The following ZNF804B variants were observed in gnomAD, a reference collection of about 807,000 sequenced individuals.
The protein encoded by ZNF804B is zinc finger 804B.
ZNF804B carries 80 observed loss-of-function variants against 101.4 expected under a neutral mutation model. The ratio of observed to expected loss-of-function variants is 0.79; its 90% CI spans 0.66 to 0.95. The LOEUF (loss-of-function observed/expected upper bound fraction) is 0.95. Ranked by LOEUF, ZNF804B falls within the 40% of genes least tolerant of loss-of-function variation. The pLI, the probability that ZNF804B is intolerant of heterozygous loss-of-function variation, is 0.00. For synonymous variants in ZNF804B, 622 were observed against 558.8 expected (o/e 1.11, Z -1.59); for missense variants, 1,673 against 1,561.9 (o/e 1.07, Z -1.20).
chr7:89,067,238 G>A (rs1442923234), intron 1 of ZNF804B, among the ~76,000 whole-genome samples: 1 of 152,158 alleles, frequency 6.6e-6, no homozygotes, highest in East Asian at 1.9e-4. Context: ...CAGGGCAGGT[G>A]GTTAGGAAGG....
intron 2 of ZNF804B, among the ~76,000 whole-genome samples, chr7:89,250,492 A>G (rs1789521420): frequency 6.6e-6 from 1 of 152,220 alleles, no homozygotes; most frequent in Non-Finnish European, 1.5e-5. Context: ...ATGGATTCAC[A>G]GCAGAATTCT....
intron 2 of ZNF804B, among the ~76,000 whole-genome samples, chr7:89,299,512 A>G (rs2115917975): frequency 6.6e-6 from 1 of 152,170 alleles, no homozygotes; most frequent in African/African-American, 2.4e-5. Context: ...TATGCCAACT[A>G]AAGGCATTTC....
chr7:89,272,535 T>C (rs980162825), intron 2 of ZNF804B, among the ~76,000 whole-genome samples: 1 of 152,068 alleles, frequency 6.6e-6, no homozygotes, highest in Non-Finnish European at 1.5e-5. Flanking sequence ...ACAAAGGTAA[T>C]TGAAGTGAAA....
intron 1 of ZNF804B, among the ~76,000 whole-genome samples, chr7:89,167,494 G>A (rs900066358): frequency 1.1e-4 from 15 of 136,740 alleles, no homozygotes; most frequent in South Asian, 2.4e-4. Context: ...GTGAACTCTC[G>A]CAGTTCAAAC....
At chr7:89,322,435 T>C (rs772980636) in intron 2 of ZNF804B, among the ~76,000 whole-genome samples, 1 of 152,084 alleles carries the variant, frequency 6.6e-6, no homozygotes, top group Non-Finnish European at 1.5e-5. Context: ...CAATAAGATA[T>C]CCAGAAAATG....
Position 89,333,658 on chromosome 7 carries a change from A to G in ZNF804B, c.676A>G (p.Lys226Glu). 1.2e-6 allele frequency: 2 copies of G among 1,613,562 alleles called. No individual in the cohort carries two copies. The highest frequency in any genetic ancestry group is 8.5e-7 in the Non-Finnish European group (1 of 1,179,692). Residue 226 changes from lysine (K) to glutamate (E), a missense_variant, in exon 4 of 4, where the codon AAA becomes GAA. Physicochemically the swap from Lys to Glu is moderately conservative, Grantham distance 56. Transcript: ENST00000333190. The part of the protein sequence containing the change: ...RTGVSFTFSK[K>E]VHLKLESSAS... ...AGGAGTATCATTTACTTTTTCCAAAAAAGTGCACCTAAAATTAGAATCTTC... is the reference window on the plus strand; with the variant it reads ...AGGAGTATCATTTACTTTTTCCAAAGAAGTGCACCTAAAATTAGAATCTTC...
chr7:89,042,787 GT>G (rs1336838741), intron 1 of ZNF804B, among the ~76,000 whole-genome samples: 1 of 152,086 alleles, frequency 6.6e-6, no homozygotes, highest in Non-Finnish European at 1.5e-5. Flanking sequence ...TTCTGAATGA[GT>G]TTAATCCTCT....
At chr7:89,005,192 G>A (rs1281838750) in intron 1 of ZNF804B, among the ~76,000 whole-genome samples, 1 of 151,924 alleles carries the variant, frequency 6.6e-6, no homozygotes, top group Non-Finnish European at 1.5e-5. Context: ...AGATCTCAAA[G>A]TGAATATAAA....
intron 1 of ZNF804B, among the ~76,000 whole-genome samples, chr7:88,974,172 A>G (rs1261326097): frequency 6.6e-6 from 1 of 151,386 alleles, no homozygotes; most frequent in African/African-American, 2.4e-5. Context: ...AAAGTGTTCA[A>G]GACAGTTTCT....
intron 1 of ZNF804B, among the ~76,000 whole-genome samples, chr7:89,207,545 G>T (rs1296894030): frequency 1.3e-5 from 2 of 152,148 alleles, no homozygotes; most frequent in African/African-American, 4.8e-5. Flanking sequence ...GTGAGATTTG[G>T]GTGGGGACAT....
chr7:88,926,682 A>C (rs1312610993), intron 1 of ZNF804B, among the ~76,000 whole-genome samples: 1 of 152,024 alleles, frequency 6.6e-6, no homozygotes, highest in East Asian at 1.9e-4. Flanking sequence ...CCCATATGGA[A>C]GTGGGAGGGG....
At chr7:89,173,354 T>C (rs550351682) in intron 1 of ZNF804B, among the ~76,000 whole-genome samples, 3 of 151,996 alleles carry the variant, frequency 2.0e-5, no homozygotes, top group Non-Finnish European at 4.4e-5. Context: ...AGTTAAATTA[T>C]TTTAGATTTT....
intron 1 of ZNF804B, among the ~76,000 whole-genome samples, chr7:88,806,616 GGTGTGTGTGT>G (rs145554500): frequency 1.3e-5 from 2 of 149,004 alleles, no homozygotes; most frequent in South Asian, 4.2e-4. Flanking sequence ...TCATTTGAGG[GGTGTGTGTGT>G]GTGTGTGTGT....
At chr7:89,048,454 A>G (rs1475134109) in intron 1 of ZNF804B, among the ~76,000 whole-genome samples, 3 of 151,890 alleles carry the variant, frequency 2.0e-5, no homozygotes, top group Admixed American at 2.0e-4. Context: ...CAGGCAACTC[A>G]GCTTTCATGG....
At chr7:89,066,534 C>T (rs1345382807) in intron 1 of ZNF804B, among the ~76,000 whole-genome samples, 1 of 151,940 alleles carries the variant, frequency 6.6e-6, no homozygotes, top group East Asian at 1.9e-4. Context: ...TGACGCCTGG[C>T]CAAAATTATC....
intron 1 of ZNF804B, among the ~76,000 whole-genome samples, chr7:88,986,659 T>C (rs1421142882): frequency 2.6e-5 from 4 of 152,076 alleles, no homozygotes; most frequent in Admixed American, 2.0e-4. Flanking sequence ...GGCGCCTAGT[T>C]TACCTTTTAC....
intron 1 of ZNF804B, among the ~76,000 whole-genome samples, chr7:89,066,486 A>G (rs1388172045): frequency 6.6e-6 from 1 of 152,168 alleles, no homozygotes; most frequent in Non-Finnish European, 1.5e-5. Flanking sequence ...GGGAACCATT[A>G]GCAGGTTAAA....
At chr7:89,070,372 C>T (rs144910017) in intron 1 of ZNF804B, among the ~76,000 whole-genome samples, 3,223 of 152,122 alleles carry the variant, frequency 0.021, 44 homozygotes, top group Non-Finnish European at 0.035. Flanking sequence ...GGGTGTGACA[C>T]GGGGATCCAG....
At chr7:88,926,999 TA>T (rs1792814561) in intron 1 of ZNF804B, among the ~76,000 whole-genome samples, 1 of 150,466 alleles carries the variant, frequency 6.6e-6, no homozygotes, top group Non-Finnish European at 1.5e-5. Flanking sequence ...TCAAAAGAAT[TA>T]AAAAGTGAGT....
Sources: gnomAD v4.1 joint callset for allele counts (sites outside exome capture counted in the v4.1 genomes callset) on GRCh38, gnomAD v4.1.1 for gene constraint, MANE v1.5 for transcripts, NCBI Gene and HGNC (gene_info 2026-07-23, HGNC 2026-07-21) for gene names.